ATP9B: variants seen among roughly 807,000 people sequenced by gnomAD.
ATP9B encodes probable phospholipid-transporting ATPase IIB.
Under a neutral mutation model 146.1 loss-of-function variants are expected in ATP9B, and 110 were observed. The observed-to-expected ratio is 0.75, with a 90% CI of 0.65 to 0.88. The LOEUF (loss-of-function observed/expected upper bound fraction) is 0.88. Ranked by LOEUF, ATP9B falls within the 40% of genes least tolerant of loss-of-function variation. The pLI, the probability that ATP9B is intolerant of heterozygous loss-of-function variation, is 0.00. For synonymous variants in ATP9B, 604 were observed against 569.7 expected (o/e 1.06, Z -0.86); for missense variants, 1,499 against 1,496.4 (o/e 1.00, Z -0.03).
intron 25 of ATP9B, among the ~76,000 whole-genome samples, chr18:79,349,890 C>T (rs2147618131): frequency 8.4e-6 from 1 of 119,054 alleles, no homozygotes; most frequent in South Asian, 2.9e-4. Context: ...CTGGGAGGCC[C>T]CGCACCCCCC....
At chr18:79,240,746 CA>C (rs1267434433) in intron 11 of ATP9B, among the ~76,000 whole-genome samples, 1 of 152,130 alleles carries the variant, frequency 6.6e-6, no homozygotes, top group East Asian at 1.9e-4. Context: ...AACTCCGCCT[CA>C]AAAAACAACA....
At chr18:79,085,999 T>G in intron 1 of ATP9B, 1 of 152,000 alleles carries the variant, frequency 6.6e-6, no homozygotes, top group East Asian at 1.9e-4. Context: ...GAAACTTATT[T>G]TGCTGTGATG....
chr18:79,121,542 C>T (rs1007790766), intron 4 of ATP9B, among the ~76,000 whole-genome samples: 2 of 152,296 alleles, frequency 1.3e-5, no homozygotes, highest in South Asian at 2.1e-4. Flanking sequence ...TAAACTCTTA[C>T]GGGTAGAGGC....
intron 13 of ATP9B, among the ~76,000 whole-genome samples, chr18:79,295,253 C>G (rs1356443924): frequency 1.3e-5 from 2 of 152,134 alleles, no homozygotes; most frequent in Non-Finnish European, 2.9e-5. Context: ...TTTCACTGTT[C>G]AAATCAACTG....
At chr18:79,342,391 G>A (rs764767029) in intron 20 of ATP9B, 25 bp downstream of exon 20, 4 of 1,515,436 alleles carry the variant, frequency 2.6e-6, no homozygotes, top group Non-Finnish European at 3.6e-6. Context: ...TAATCACTTT[G>A]AATTTTTAAA....
chr18:79,276,611 T>A (rs1002042575), intron 12 of ATP9B, among the ~76,000 whole-genome samples: 1 of 152,198 alleles, frequency 6.6e-6, no homozygotes, highest in African/African-American at 2.4e-5. Context: ...AGTTGTCCCT[T>A]GCGGGCATAT....
intron 12 of ATP9B, among the ~76,000 whole-genome samples, chr18:79,260,510 T>C (rs1441349071): frequency 2.6e-5 from 4 of 152,096 alleles, no homozygotes; most frequent in Admixed American, 2.0e-4. Context: ...GGAGTAGAGA[T>C]GGGTTATCCA....
intron 9 of ATP9B, among the ~76,000 whole-genome samples, chr18:79,200,420 G>A (rs1302713774): frequency 6.6e-6 from 1 of 152,138 alleles, no homozygotes; most frequent in East Asian, 1.9e-4. Context: ...AATCAGTAAG[G>A]ATATAGTAGA....
intron 12 of ATP9B, among the ~76,000 whole-genome samples, chr18:79,268,387 A>G (rs1325566608): frequency 6.6e-6 from 1 of 151,958 alleles, no homozygotes; most frequent in Non-Finnish European, 1.5e-5. Flanking sequence ...CTGCTGTTTT[A>G]TTTTGTGCTT....
intron 23 of ATP9B, among the ~76,000 whole-genome samples, chr18:79,346,715 G>A (rs1236924786): frequency 3.3e-5 from 5 of 152,222 alleles, no homozygotes; most frequent in African/African-American, 1.2e-4. Context: ...GTCAGCACGT[G>A]CTCAGTGCAT....
At chr18:79,174,599 T>C (rs1271542304) in intron 7 of ATP9B, among the ~76,000 whole-genome samples, 1 of 152,096 alleles carries the variant, frequency 6.6e-6, no homozygotes, top group African/African-American at 2.4e-5. Context: ...TTTTTATTTG[T>C]TGAAAAAACA....
chr18:79,149,059 T>C (rs905877938), intron 6 of ATP9B, among the ~76,000 whole-genome samples: 2 of 152,242 alleles, frequency 1.3e-5, no homozygotes, highest in African/African-American at 2.4e-5. Flanking sequence ...CTCTTTTCGA[T>C]TGGAGCATTC....
At chr18:79,373,031 A>G (rs1321739091) in intron 27 of ATP9B, 149 bp downstream of exon 27, 1 of 562,800 alleles carries the variant, frequency 1.8e-6, no homozygotes, top group Non-Finnish European at 3.1e-6. Flanking sequence ...TTGTAAATCA[A>G]TATTCCAGCA....
chr18:79,119,774 A>G (rs2094156131), intron 4 of ATP9B, among the ~76,000 whole-genome samples: 1 of 152,198 alleles, frequency 6.6e-6, no homozygotes, highest in Admixed American at 6.5e-5. Context: ...TCAGATAACA[A>G]ATGATGAATA....
chr18:79,313,391 C>T (rs1249039251), intron 15 of ATP9B, among the ~76,000 whole-genome samples: 1 of 152,136 alleles, frequency 6.6e-6, no homozygotes, highest in African/African-American at 2.4e-5. Flanking sequence ...AGCAAGCCCC[C>T]ATATTCCTAT....
chr18:79,085,200 T>C (rs190197096), intron 1 of ATP9B: 2 of 152,188 alleles, frequency 1.3e-5, no homozygotes, highest in East Asian at 3.9e-4. Flanking sequence ...CAACCAGATC[T>C]CACGTGAACT....
At chr18:79,187,791 G>A (rs2095322459) in intron 8 of ATP9B, among the ~76,000 whole-genome samples, 1 of 152,156 alleles carries the variant, frequency 6.6e-6, no homozygotes, top group South Asian at 2.1e-4. Flanking sequence ...GGAACTCAGA[G>A]CAATTTACAA....
chr18:79,268,049 T>C (rs1479496175), intron 12 of ATP9B, among the ~76,000 whole-genome samples: 2 of 152,194 alleles, frequency 1.3e-5, no homozygotes, highest in African/African-American at 4.8e-5. Flanking sequence ...AAATTTAAAT[T>C]GTTGTCTATA....
At chr18:79,327,981 TCTGGTTAGCGTGCTCTCC>T (rs2096768247) in intron 15 of ATP9B, among the ~76,000 whole-genome samples, 2 of 9,602 alleles carry the variant, frequency 2.1e-4, no homozygotes, top group Admixed American at 1.2e-3. Flanking sequence ...GCGTGCTCTC[TCTGGTTAGCGTGCTCTCC>T]GTGGTTAGCG....
Sources: gnomAD v4.1 joint callset for allele counts (sites outside exome capture counted in the v4.1 genomes callset) on GRCh38, gnomAD v4.1.1 for gene constraint, MANE v1.5 for transcripts, NCBI Gene and HGNC (gene_info 2026-07-23, HGNC 2026-07-21) for gene names.